The following ADAMTS6 variants were observed in gnomAD, a reference collection of about 807,000 sequenced individuals.
ADAMTS6 encodes ADAM metallopeptidase with thrombospondin type 1 motif 6, also known as A disintegrin and metalloproteinase with thrombospondin motifs 6.
In ADAMTS6, 23 loss-of-function variants were observed where a neutral mutation model predicts 144.3. That is an observed-to-expected ratio of 0.16 (90% CI 0.11 to 0.23). ADAMTS6 has a LOEUF of 0.23. Among genes scored for constraint, ADAMTS6 ranks in the 10% least tolerant of loss-of-function variants. ADAMTS6 has a pLI of 1.00. For missense variants in ADAMTS6, 999 were observed against 1,379.6 expected, an observed-to-expected ratio of 0.72 and a Z score of 4.37; for synonymous variants, 444 against 457.5, an observed-to-expected ratio of 0.97 and a Z score of 0.38.
chr5:65,312,503 T>C (rs994730852), intron 9 of ADAMTS6, among the ~76,000 whole-genome samples: 3 of 152,084 alleles, frequency 2.0e-5, no homozygotes, highest in African/African-American at 7.2e-5. Flanking sequence ...TTTGCTCATG[T>C]GTTTTCTAAA....
At chr5:65,474,071 C>T (rs988142892) in intron 1 of ADAMTS6, 119 bp from the exon 2 acceptor site, 4 of 358,558 alleles carry the variant, frequency 1.1e-5, no homozygotes, top group African/African-American at 8.4e-5. Context: ...TTAAATTAGA[C>T]CATTGTTAGT....
chr5:65,213,656 A>T (rs1020287098), intron 20 of ADAMTS6, among the ~76,000 whole-genome samples: 1 of 151,952 alleles, frequency 6.6e-6, no homozygotes, highest in African/African-American at 2.4e-5. Context: ...AGTAATAAGT[A>T]ATAAAATAAA....
chr5:65,199,730 CTCAT>C (rs1002733860), intron 20 of ADAMTS6, among the ~76,000 whole-genome samples: 4 of 152,198 alleles, frequency 2.6e-5, no homozygotes, highest in East Asian at 3.9e-4. Flanking sequence ...CATTCATTTA[CTCAT>C]TCATTCATTC....
chr5:65,242,809 A>T lies in ADAMTS6; in HGVS notation c.1831-603T>A, dbSNP rs552517491. Among the ~76,000 whole-genome samples, 6 of 152,296 alleles carry T rather than the reference A, an allele frequency of 3.9e-5. No homozygotes were observed. The East Asian group carries it at 1.2e-3, about 29-fold the overall frequency. On this transcript the variant is annotated intron_variant, in intron 14 of 24. Transcript: ENST00000381055. The stretch of plus-strand genomic sequence containing the variant: ...TATGATTTACATTTAATTTATTAAC[A>T]TCACAGAAAATAAAATACAAAATGG...
chr5:65,381,236 A>G (rs1364908754), intron 7 of ADAMTS6, among the ~76,000 whole-genome samples: 5 of 152,218 alleles, frequency 3.3e-5, no homozygotes, highest in African/African-American at 1.2e-4. Context: ...TTAAATGGTC[A>G]AGTACAGAAA....
intron 14 of ADAMTS6, among the ~76,000 whole-genome samples, chr5:65,257,525 C>T (rs1760791664): frequency 6.6e-6 from 1 of 152,144 alleles, no homozygotes; most frequent in Non-Finnish European, 1.5e-5. Flanking sequence ...TGGCTCAGCA[C>T]TTCAATCATT....
rs540891297 is a variant in ADAMTS6, at chr5:65,177,223, CCA to C, written c.2911-4217_2911-4216del. 9.9e-4 allele frequency among the ~76,000 whole-genome samples: 151 copies of C among 152,280 alleles called. 1 individual carries two copies. The highest frequency in any genetic ancestry group is 3.5e-3 in the African/African-American group (144 of 41,568). ...GCGCCCCCACCTCCAGAGTCGTGGG[CCA>C]CAGTCCCAGGGGAAAACCTTATCAA... On this transcript the variant is annotated intron_variant, in intron 22 of 24. Transcript: ENST00000381055.
intron 3 of ADAMTS6, among the ~76,000 whole-genome samples, chr5:65,465,316 T>G (rs1035234000): frequency 2.6e-5 from 4 of 152,192 alleles, no homozygotes; most frequent in African/African-American, 9.7e-5. Flanking sequence ...GCATCTTATG[T>G]CCATATAATC....
intron 15 of ADAMTS6, among the ~76,000 whole-genome samples, chr5:65,240,577 TGG>T (rs1290077735): frequency 2.0e-5 from 3 of 152,144 alleles, no homozygotes; most frequent in Non-Finnish European, 4.4e-5. Flanking sequence ...GCCCTCCGAA[TGG>T]GAATAGTAGC....
At chr5:65,171,374 C>G (rs1753619494) in intron 23 of ADAMTS6, among the ~76,000 whole-genome samples, 1 of 152,162 alleles carries the variant, frequency 6.6e-6, no homozygotes, top group African/African-American at 2.4e-5. Context: ...GGTCATTCTA[C>G]TATCAAACTG....
At chr5:65,253,582 G>C (rs1047278630) in intron 14 of ADAMTS6, among the ~76,000 whole-genome samples, 1 of 152,080 alleles carries the variant, frequency 6.6e-6, no homozygotes, top group African/African-American at 2.4e-5. Context: ...AAGGCAGGAA[G>C]CTGGTTTGAT....
intron 7 of ADAMTS6, among the ~76,000 whole-genome samples, chr5:65,444,143 G>C (rs1175317144): frequency 2.0e-5 from 3 of 152,154 alleles, no homozygotes; most frequent in African/African-American, 7.2e-5. Flanking sequence ...TGTAATCCCA[G>C]CACTTTGGGA....
intron 24 of ADAMTS6, among the ~76,000 whole-genome samples, chr5:65,155,832 T>C (rs1210428569): frequency 9.2e-5 from 14 of 152,192 alleles, no homozygotes; most frequent in Non-Finnish European, 2.1e-4. Flanking sequence ...AGCATCATAG[T>C]CAGGTTTCGT....
At chr5:65,308,852 C>G (rs1383002533) in intron 9 of ADAMTS6, among the ~76,000 whole-genome samples, 1 of 152,096 alleles carries the variant, frequency 6.6e-6, no homozygotes, top group Non-Finnish European at 1.5e-5. Context: ...AGTAAAGAGT[C>G]AGAAAGGGCC....
intron 11 of ADAMTS6, among the ~76,000 whole-genome samples, chr5:65,275,378 A>AGAAG (rs1268331460): frequency 1.4e-5 from 2 of 143,730 alleles, no homozygotes; most frequent in African/African-American, 2.7e-5. Context: ...AAAGAAAGAA[A>AGAAG]GAAAGAAAGA....
intron 20 of ADAMTS6, among the ~76,000 whole-genome samples, chr5:65,206,349 G>T (rs1273107169): frequency 6.6e-6 from 1 of 152,166 alleles, no homozygotes; most frequent in Non-Finnish European, 1.5e-5. Flanking sequence ...GAAAAACGTG[G>T]TCCCACATCA....
chr5:65,269,501 G>A (rs1359637205), intron 12 of ADAMTS6, among the ~76,000 whole-genome samples: 5 of 152,024 alleles, frequency 3.3e-5, no homozygotes, highest in Non-Finnish European at 5.9e-5. Flanking sequence ...CTTGATTCCC[G>A]TGACAATGAA....
At chr5:65,467,970 A>T (rs1319860036) in intron 3 of ADAMTS6, among the ~76,000 whole-genome samples, 1 of 152,042 alleles carries the variant, frequency 6.6e-6, no homozygotes, top group African/African-American at 2.4e-5. Flanking sequence ...AGATAAAAGG[A>T]CTAAGGAAGT....
At chr5:65,161,168 A>G (rs1470244098) in intron 24 of ADAMTS6, among the ~76,000 whole-genome samples, 1 of 152,052 alleles carries the variant, frequency 6.6e-6, no homozygotes, top group Non-Finnish European at 1.5e-5. Context: ...CCTCCCAAGT[A>G]GCTGGACTAC....
Sources: allele counts gnomAD v4.1 joint callset (sites outside exome capture counted in the v4.1 genomes callset), GRCh38; gene constraint gnomAD v4.1.1; transcripts MANE v1.5; gene names NCBI Gene and HGNC (gene_info 2026-07-23, HGNC 2026-07-21).